The following CCDC148 variants were observed in gnomAD, a reference collection of about 807,000 sequenced individuals.
CCDC148 encodes coiled-coil domain containing 148, also known as coiled-coil domain-containing protein 148.
In CCDC148, 89 loss-of-function variants were observed where a neutral mutation model predicts 85.7. That is an observed-to-expected ratio of 1.04 (90% CI 0.87 to 1.24). CCDC148 has a LOEUF of 1.24. Among genes scored for constraint, CCDC148 ranks in the 50% most tolerant of loss-of-function variants. The pLI is 0.00. For synonymous variants in CCDC148, 230 were observed against 213.9 expected (o/e 1.08, Z -0.66); for missense variants, 692 against 671.7 (o/e 1.03, Z -0.33).
At position 158,431,514 on chromosome 2, in the gene CCDC148, T is replaced by C. The variant is rs564317247; in HGVS notation, c.25+24901A>G. Among the ~76,000 whole-genome samples, 7 of 151,524 alleles carry C rather than the reference T, an allele frequency of 4.6e-5. No individual in the cohort carries two copies. In the South Asian group the frequency reaches 1.5e-3, roughly 32 times the overall value. ...AAAAAAAAAAAAACCTGTCAATTTA[T>C]AATCCTACACACGCTGTGAAATATC... On this transcript the variant is annotated intron_variant, in intron 1 of 13. Transcript: ENST00000283233.
rs1324980782 is a variant in CCDC148, at chr2:158,345,284, T to G, written c.182A>C (p.Lys61Thr). 1.2e-6 allele frequency: 2 copies of G among 1,613,414 alleles called. No individual in the cohort carries two copies. The highest frequency in any genetic ancestry group is 1.7e-6 in the Non-Finnish European group (2 of 1,179,654). Residue 61 changes from lysine (K) to threonine (T), a missense_variant, in exon 3 of 14, where the codon AAA (lysine) becomes ACA (threonine). Transcript: ENST00000283233. The stretch of plus-strand genomic sequence containing the variant: ...GTGTTGTTTTATTAGTGTTTGTTCT[T>G]TGGATAACTTTGAAGTCAACATTGC... ...RKAMLTSKLS[K>T]EQTLIKQHKQ...
intron 1 of CCDC148, among the ~76,000 whole-genome samples, chr2:158,363,933 A>T (rs551392120): frequency 6.6e-6 from 1 of 152,216 alleles, no homozygotes; most frequent in Non-Finnish European, 1.5e-5. Flanking sequence ...TCAGCCCAAA[A>T]TGTCTTCAAG....
intron 8 of CCDC148, among the ~76,000 whole-genome samples, chr2:158,310,822 C>T (rs527547388): frequency 2.9e-4 from 40 of 139,278 alleles, no homozygotes; most frequent in Admixed American, 8.5e-4. Flanking sequence ...AGAGACGCTC[C>T]TCACTTCCTA....
At chr2:158,360,753 C>A (rs1279213814) in intron 1 of CCDC148, among the ~76,000 whole-genome samples, 1 of 152,018 alleles carries the variant, frequency 6.6e-6, no homozygotes, top group Non-Finnish European at 1.5e-5. Context: ...TTCCAAAAAC[C>A]AGTACGCCTC....
At chr2:158,380,571 C>G (rs1684828361) in intron 1 of CCDC148, among the ~76,000 whole-genome samples, 1 of 152,068 alleles carries the variant, frequency 6.6e-6, no homozygotes, top group Admixed American at 6.6e-5. Context: ...TATACAATCT[C>G]AACTGAAATC....
intron 7 of CCDC148, among the ~76,000 whole-genome samples, chr2:158,323,565 TC>T (rs1174700443): frequency 6.6e-6 from 1 of 152,206 alleles, no homozygotes; most frequent in Non-Finnish European, 1.5e-5. Flanking sequence ...TTTACCAGCA[TC>T]CTGGCATGTG....
intron 1 of CCDC148, among the ~76,000 whole-genome samples, chr2:158,423,989 T>A (rs140436566): frequency 6.6e-6 from 1 of 152,126 alleles, no homozygotes; most frequent in South Asian, 2.1e-4. Context: ...CTGGCCATCA[T>A]AGAAATGCAA....
chr2:158,443,402 G>T (rs187869182), intron 1 of CCDC148, among the ~76,000 whole-genome samples: 1 of 151,072 alleles, frequency 6.6e-6, no homozygotes, highest in African/African-American at 2.4e-5. Flanking sequence ...TACTTAGCAG[G>T]CTGAGATGGC....
intron 9 of CCDC148, among the ~76,000 whole-genome samples, chr2:158,252,589 A>T (rs1688838252): frequency 6.6e-6 from 1 of 151,612 alleles, no homozygotes; most frequent in Non-Finnish European, 1.5e-5. Context: ...ACTGTTGACC[A>T]TTGCTTTATG....
At chr2:158,373,826 T>C (rs1269882664) in intron 1 of CCDC148, among the ~76,000 whole-genome samples, 1 of 152,068 alleles carries the variant, frequency 6.6e-6, no homozygotes, top group Non-Finnish European at 1.5e-5. Context: ...TGTGGCATTA[T>C]ACTACATATT....
intron 9 of CCDC148, among the ~76,000 whole-genome samples, chr2:158,272,985 G>T (rs1269097047): frequency 6.6e-6 from 1 of 152,102 alleles, no homozygotes; most frequent in Admixed American, 6.6e-5. Flanking sequence ...ATTTAAAAAG[G>T]ATTTAAAGCC....
At chr2:158,299,432 C>G (rs1691345572) in intron 9 of CCDC148, among the ~76,000 whole-genome samples, 1 of 152,186 alleles carries the variant, frequency 6.6e-6, no homozygotes, top group Non-Finnish European at 1.5e-5. Context: ...GCCTTTGCAG[C>G]CCAAACTCCA....
At chr2:158,281,710 T>G (rs1285431007) in intron 9 of CCDC148, among the ~76,000 whole-genome samples, 1 of 152,174 alleles carries the variant, frequency 6.6e-6, no homozygotes, top group Non-Finnish European at 1.5e-5. Context: ...AAGGAGGAAC[T>G]GGTACCATTC....
intron 7 of CCDC148, among the ~76,000 whole-genome samples, chr2:158,315,628 A>G (rs1227126776): frequency 6.6e-6 from 1 of 152,010 alleles, no homozygotes; most frequent in Admixed American, 6.6e-5. Context: ...TCTATAATGG[A>G]TACTGTTGGT....
chr2:158,331,738 T>A (rs1028537629), intron 7 of CCDC148, among the ~76,000 whole-genome samples: 2 of 152,248 alleles, frequency 1.3e-5, no homozygotes, highest in Admixed American at 6.5e-5. Context: ...TCTTGTTGAA[T>A]TGATCCCTTT....
intron 1 of CCDC148, among the ~76,000 whole-genome samples, chr2:158,444,907 T>C (rs752966789): frequency 6.8e-6 from 1 of 147,342 alleles, no homozygotes; most frequent in African/African-American, 2.5e-5. Context: ...TCTTAACAAA[T>C]AGAAAGAAGG....
At chr2:158,405,670 A>G (rs1447616973) in intron 1 of CCDC148, among the ~76,000 whole-genome samples, 1 of 152,188 alleles carries the variant, frequency 6.6e-6, no homozygotes, top group Non-Finnish European at 1.5e-5. Flanking sequence ...ATTAAACATT[A>G]AAGAACAGTT....
At chr2:158,268,668 A>G (rs1689575881) in intron 9 of CCDC148, among the ~76,000 whole-genome samples, 1 of 152,102 alleles carries the variant, frequency 6.6e-6, no homozygotes, top group Admixed American at 6.6e-5. Flanking sequence ...CATGCTGTAT[A>G]TTAGATCCCC....
intron 11 of CCDC148, among the ~76,000 whole-genome samples, chr2:158,202,932 T>A (rs193271839): frequency 4.4e-4 from 67 of 152,258 alleles, no homozygotes; most frequent in African/African-American, 1.5e-3. Flanking sequence ...GGAAAGGGGC[T>A]CTCTTAGATG....
Sources: gnomAD v4.1 joint callset for allele counts (sites outside exome capture counted in the v4.1 genomes callset) on GRCh38, gnomAD v4.1.1 for gene constraint, MANE v1.5 for transcripts, NCBI Gene and HGNC (gene_info 2026-07-23, HGNC 2026-07-21) for gene names.